CTNNA3: variants seen among roughly 807,000 people sequenced by gnomAD.
CTNNA3 encodes the protein catenin alpha-3.
A neutral mutation model predicts 95.7 loss-of-function variants in CTNNA3; 76 were observed. That is an observed-to-expected ratio of 0.79 (90% confidence interval 0.66 to 0.96). The LOEUF is 0.96. Ranked by LOEUF, CTNNA3 falls within the 40% of genes least tolerant of loss-of-function variation. CTNNA3 has a pLI of 0.00. For synonymous variants in CTNNA3, 431 were observed against 374.4 expected (o/e 1.15, Z -1.74); for missense variants, 1,191 against 1,089.8 (o/e 1.09, Z -1.31).
intron 13 of CTNNA3, among the ~76,000 whole-genome samples, chr10:66,156,486 C>T (rs998713668): frequency 1.3e-5 from 2 of 151,910 alleles, no homozygotes; most frequent in African/African-American, 4.8e-5. Context: ...TCAATGCTTT[C>T]TGTGTGCCAA....
At chr10:66,890,887 A>G (rs1295235740) in intron 7 of CTNNA3, among the ~76,000 whole-genome samples, 1 of 152,116 alleles carries the variant, frequency 6.6e-6, no homozygotes, top group East Asian at 1.9e-4. Context: ...AAGGTGTGAA[A>G]TTCAGAGCAC....
chr10:67,479,026 C>T (rs540008543), intron 5 of CTNNA3, among the ~76,000 whole-genome samples: 29 of 152,044 alleles, frequency 1.9e-4, no homozygotes, highest in East Asian at 3.9e-4. Flanking sequence ...TATTACACAA[C>T]GATAAAAGGT....
intron 11 of CTNNA3, among the ~76,000 whole-genome samples, chr10:66,505,997 C>A (rs1840435699): frequency 6.6e-6 from 1 of 152,106 alleles, no homozygotes; most frequent in South Asian, 2.1e-4. Flanking sequence ...ATGGCACCAG[C>A]ACCTACTTCT....
intron 1 of CTNNA3, among the ~76,000 whole-genome samples, chr10:67,738,243 G>C (rs776671187): frequency 1.3e-5 from 2 of 152,140 alleles, no homozygotes; most frequent in Non-Finnish European, 2.9e-5. Flanking sequence ...ATCAGGCAGC[G>C]ATATTTGCTG....
At chr10:66,597,511 CATATATATATATATATATAT>C (rs369390875) in intron 10 of CTNNA3, among the ~76,000 whole-genome samples, 5,231 of 71,090 alleles carry the variant, frequency 0.074, 223 homozygotes, top group South Asian at 0.15. Flanking sequence ...TTATTTCATA[CATATATATATATATATATAT>C]ATATATATAT....
At chr10:67,145,839 T>C (rs1589792924) in intron 7 of CTNNA3, among the ~76,000 whole-genome samples, 1 of 152,218 alleles carries the variant, frequency 6.6e-6, no homozygotes, top group African/African-American at 2.4e-5. Context: ...TGCAAAAAGC[T>C]AGATGTTTAG....
rs111328233 is a variant in CTNNA3 at position 67,348,176 on chromosome 10, C to T, written c.580-128306G>A. Among the ~76,000 whole-genome samples, 126 of 152,204 alleles carry T rather than the reference C, an allele frequency of 8.3e-4. 1 individual carries two copies. Among genetic ancestry groups the T allele is most frequent in the African/African-American group, 2.9e-3 (121 of 41,538 alleles). On this transcript the variant is annotated intron_variant, in intron 5 of 17. Coordinates refer to ENST00000433211, the MANE Select transcript of CTNNA3 (RefSeq NM_013266.4). ...AAGTAGATTAAAGACAAACATAAGACCTGAAACTATAAAACTTCTAGAAGA... is the reference window on the plus strand; with the variant it reads ...AAGTAGATTAAAGACAAACATAAGATCTGAAACTATAAAACTTCTAGAAGA...
At chr10:67,673,222 C>T (rs1246756457) in intron 1 of CTNNA3, among the ~76,000 whole-genome samples, 2 of 149,912 alleles carry the variant, frequency 1.3e-5, no homozygotes, top group Non-Finnish European at 3.0e-5. Context: ...TATCCTGAGA[C>T]TTTGCTGAAG....
intron 5 of CTNNA3, among the ~76,000 whole-genome samples, chr10:67,266,474 T>C (rs1282123096): frequency 6.6e-6 from 1 of 152,138 alleles, no homozygotes; most frequent in Non-Finnish European, 1.5e-5. Flanking sequence ...AGACTGGCAA[T>C]ATTCTAGATA....
chr10:66,503,978 A>G (rs915741493), intron 11 of CTNNA3, among the ~76,000 whole-genome samples: 1 of 152,202 alleles, frequency 6.6e-6, no homozygotes, highest in African/African-American at 2.4e-5. Context: ...GATGTTTTGA[A>G]ATATGTATAT....
chr10:67,218,658 C>A (rs957688082), intron 6 of CTNNA3, among the ~76,000 whole-genome samples: 5 of 152,244 alleles, frequency 3.3e-5, no homozygotes, highest in African/African-American at 1.2e-4. Flanking sequence ...TCATGTCCCA[C>A]ATCCATTCTA....
intron 12 of CTNNA3, among the ~76,000 whole-genome samples, chr10:66,358,303 G>A (rs1219600560): frequency 2.6e-5 from 4 of 152,018 alleles, no homozygotes; most frequent in Non-Finnish European, 5.9e-5. Flanking sequence ...TGCTTGGTGT[G>A]CACTTCCCAG....
intron 7 of CTNNA3, among the ~76,000 whole-genome samples, chr10:67,138,641 C>G (rs1248175484): frequency 1.3e-5 from 2 of 152,216 alleles, no homozygotes; most frequent in African/African-American, 4.8e-5. Flanking sequence ...CAGCACTCCT[C>G]TTCTAAAAAT....
chr10:65,963,696 C>T (rs1274486573), intron 17 of CTNNA3, among the ~76,000 whole-genome samples: 1 of 152,092 alleles, frequency 6.6e-6, no homozygotes, highest in Non-Finnish European at 1.5e-5. Flanking sequence ...TACTACTATG[C>T]CTTGCACAGT....
intron 13 of CTNNA3, among the ~76,000 whole-genome samples, chr10:66,244,230 C>T (rs908555962): frequency 2.6e-5 from 4 of 152,166 alleles, no homozygotes; most frequent in Non-Finnish European, 5.9e-5. Context: ...AGCTTAGCCA[C>T]AGTAGAATAG....
intron 5 of CTNNA3, among the ~76,000 whole-genome samples, chr10:67,372,099 T>A (rs536097597): frequency 1.3e-5 from 2 of 152,182 alleles, no homozygotes; most frequent in Non-Finnish European, 2.9e-5. Flanking sequence ...GTAAATTTGT[T>A]TGAGTTCTTT....
Position 66,679,969 on chromosome 10 carries a change from A to G in CTNNA3, c.1282-58185T>C, listed in dbSNP as rs977676018. Among the ~76,000 whole-genome samples the G allele has an allele frequency of 2.6e-5, 4 of 152,274 alleles. No homozygotes were observed. The East Asian group carries it at 7.7e-4, about 29-fold the overall frequency. The stretch of plus-strand genomic sequence containing the variant: ...AGAAAAATTTCTCCTGAAGGTCCTC[A>G]TAAGAAGAGCATTCACCATATTAAT... On this transcript the variant is annotated intron_variant, in intron 9 of 17. Transcript: ENST00000433211.
intron 7 of CTNNA3, among the ~76,000 whole-genome samples, chr10:67,071,222 T>A (rs1179431710): frequency 6.6e-6 from 1 of 152,124 alleles, no homozygotes; most frequent in Non-Finnish European, 1.5e-5. Flanking sequence ...ATTTCCAAGG[T>A]TCTATTTAGG....
At chr10:66,463,038 G>C (rs1207793842) in intron 11 of CTNNA3, among the ~76,000 whole-genome samples, 1 of 152,062 alleles carries the variant, frequency 6.6e-6, no homozygotes, top group Non-Finnish European at 1.5e-5. Flanking sequence ...AATTCTTTTA[G>C]CTTCCATGTT....
Sources: gnomAD v4.1 joint callset for allele counts (sites outside exome capture counted in the v4.1 genomes callset) on GRCh38, gnomAD v4.1.1 for gene constraint, MANE v1.5 for transcripts, NCBI Gene and HGNC (gene_info 2026-07-23, HGNC 2026-07-21) for gene names.